The following TBX5 variants were observed in gnomAD, a reference collection of about 807,000 sequenced individuals.
TBX5 encodes the protein T-box transcription factor 5, also known as T-box transcription factor TBX5.
TBX5 carries 8 observed loss-of-function variants against 51.1 expected under a neutral mutation model. That is an observed-to-expected ratio of 0.16 (90% CI 0.09 to 0.28). The LOEUF is 0.28. Among genes scored for constraint, TBX5 ranks in the 10% least tolerant of loss-of-function variants. The pLI is 1.00. For synonymous variants in TBX5, 302 were observed against 266.4 expected, an observed-to-expected ratio of 1.13 and a Z score of -1.30; for missense variants, 589 against 671.7, an observed-to-expected ratio of 0.88 and a Z score of 1.36.
At position 114,370,267 on chromosome 12, in the gene TBX5, AG is replaced by A. The variant is rs373387399; in HGVS notation, c.756-3877del. ...AGAAAAGAAAAGAAAAGAAAAGAAA[AG>A]AAAAGAAAAGAAAAGAAAAGAAAGA... On this transcript the variant is annotated intron_variant, in intron 7 of 8. Transcript: ENST00000405440. 2.4e-3 allele frequency among the ~76,000 whole-genome samples: 334 copies of A among 140,760 alleles called. 4 individuals are homozygous for A. Among genetic ancestry groups the A allele is most frequent in the East Asian group, 4.5e-3 (18 of 4,038 alleles). 92.3% of individuals were successfully genotyped at this position (140,760 alleles called of 152,430 possible).
intron 8 of TBX5, among the ~76,000 whole-genome samples, chr12:114,360,525 T>C (rs1304686973): frequency 6.8e-6 from 1 of 146,252 alleles, no homozygotes. Context: ...GGTTGATGGA[T>C]GAGTGAGTGG....
chr12:114,363,595 G>A (rs1211541976), intron 8 of TBX5, among the ~76,000 whole-genome samples: 1 of 152,204 alleles, frequency 6.6e-6, no homozygotes, highest in African/African-American at 2.4e-5. Context: ...ATCTTCAGTG[G>A]AAAATGAAAT....
chr12:114,370,725 T>A (rs970399690), intron 7 of TBX5, among the ~76,000 whole-genome samples: 19 of 111,416 alleles, frequency 1.7e-4, no homozygotes, highest in Admixed American at 7.4e-4. Flanking sequence ...GCCCCACACT[T>A]ATGACCTCAT....
intron 2 of TBX5, among the ~76,000 whole-genome samples, chr12:114,402,783 C>T (rs1302419182): frequency 6.6e-6 from 1 of 150,458 alleles, no homozygotes; most frequent in African/African-American, 2.5e-5. Flanking sequence ...TAATTTACAA[C>T]AGTCTAAAAA....
intron 7 of TBX5, among the ~76,000 whole-genome samples, chr12:114,373,384 T>C (rs1221190931): frequency 6.6e-6 from 1 of 152,166 alleles, no homozygotes; most frequent in African/African-American, 2.4e-5. Flanking sequence ...GATGTAAAAC[T>C]ACAGACAACA....
At chr12:114,369,541 C>T (rs879413667) in intron 7 of TBX5, among the ~76,000 whole-genome samples, 2 of 152,146 alleles carry the variant, frequency 1.3e-5, no homozygotes, top group African/African-American at 4.8e-5. Context: ...TATAGAATTA[C>T]ACATGCAAAG....
chr12:114,402,623 A>G (rs1871899064), intron 2 of TBX5, among the ~76,000 whole-genome samples: 1 of 152,120 alleles, frequency 6.6e-6, no homozygotes, highest in Admixed American at 6.6e-5. Flanking sequence ...ACATCCAGCT[A>G]TTTTGATTAT....
intron 7 of TBX5, among the ~76,000 whole-genome samples, chr12:114,371,678 G>A (rs781275472): frequency 9.2e-5 from 14 of 151,466 alleles, no homozygotes; most frequent in Non-Finnish European, 1.5e-4. Context: ...GCAAGGCGAG[G>A]GACTGTGAAA....
At chr12:114,404,472 CA>C (rs149024349) in intron 1 of TBX5, among the ~76,000 whole-genome samples, 20,197 of 151,910 alleles carry the variant, frequency 0.13, 1,396 homozygotes, top group South Asian at 0.15. Flanking sequence ...CCGCCTCTTG[CA>C]AAAAGAAAAA....
At chr12:114,384,374 C>T (rs1870680425) in intron 7 of TBX5, among the ~76,000 whole-genome samples, 1 of 152,018 alleles carries the variant, frequency 6.6e-6, no homozygotes, top group East Asian at 1.9e-4. Flanking sequence ...TTCCTGGGTT[C>T]AAGAAATCCT....
intron 7 of TBX5, among the ~76,000 whole-genome samples, chr12:114,370,946 T>G (rs983082261): frequency 6.6e-6 from 1 of 152,000 alleles, no homozygotes; most frequent in Non-Finnish European, 1.5e-5. Flanking sequence ...CCGCCCTTCC[T>G]TCCAAGTCCC....
intron 8 of TBX5, among the ~76,000 whole-genome samples, chr12:114,358,735 A>G (rs888196650): frequency 2.0e-5 from 3 of 152,124 alleles, no homozygotes; most frequent in African/African-American, 7.2e-5. Context: ...ATCCAGATGA[A>G]TGAACGGCCA....
At chr12:114,404,016 G>T in intron 1 of TBX5, 80 bp from the exon 2 acceptor site, 1 of 1,471,390 alleles carries the variant, frequency 6.8e-7, no homozygotes, top group South Asian at 1.2e-5. Context: ...CACAATTCTA[G>T]TGACAGGAGG....
intron 7 of TBX5, among the ~76,000 whole-genome samples, chr12:114,370,517 A>G (rs1180865527): frequency 6.6e-6 from 1 of 152,078 alleles, no homozygotes; most frequent in East Asian, 1.9e-4. Context: ...ATAGTTCTGG[A>G]GATGTGGGTG....
At chr12:114,399,127 T>C (rs2136417507) in intron 4 of TBX5, among the ~76,000 whole-genome samples, 1 of 152,206 alleles carries the variant, frequency 6.6e-6, no homozygotes, top group African/African-American at 2.4e-5. Context: ...ATACCACGAG[T>C]CGATTTTGCA....
upstream of TBX5, chr12:114,408,380 C>G (rs1193766061): frequency 2.9e-5 from 6 of 205,690 alleles, no homozygotes; most frequent in Non-Finnish European, 4.3e-5. Flanking sequence ...GAGTCCACCT[C>G]AGACCTCTAT....
intron 7 of TBX5, among the ~76,000 whole-genome samples, chr12:114,376,676 A>C (rs1271308298): frequency 6.6e-6 from 1 of 150,796 alleles, no homozygotes; most frequent in Non-Finnish European, 1.5e-5. Context: ...AAATATATAT[A>C]TACACAAGAA....
At chr12:114,382,977 CAAAAA>C (rs34867756) in intron 7 of TBX5, among the ~76,000 whole-genome samples, 2 of 92,976 alleles carry the variant, frequency 2.2e-5, no homozygotes, top group Non-Finnish European at 2.2e-5. Context: ...ACCCTGTCTC[CAAAAA>C]AAAAAAAAAA....
At chr12:114,364,752 C>T (rs527335873) in intron 8 of TBX5, among the ~76,000 whole-genome samples, 5 of 152,298 alleles carry the variant, frequency 3.3e-5, no homozygotes, top group South Asian at 2.1e-4. Context: ...CCACCTACTG[C>T]GTACTTGCTA....
Sources: allele counts gnomAD v4.1 joint callset (sites outside exome capture counted in the v4.1 genomes callset), GRCh38; gene constraint gnomAD v4.1.1; transcripts MANE v1.5; gene names NCBI Gene and HGNC (gene_info 2026-07-23, HGNC 2026-07-21).